Variants in PRPH observed in about 807,000 individuals in gnomAD.
PRPH encodes the protein neurofilament 4 (57kD).
In PRPH, 48 loss-of-function variants were observed where a neutral mutation model predicts 52.6. That is an observed-to-expected ratio of 0.91 (90% CI 0.72 to 1.16). PRPH has a LOEUF of 1.16. Ranked by LOEUF, PRPH falls within the 50% of genes most tolerant of loss-of-function variation. The pLI is 0.00. For synonymous variants in PRPH, 279 were observed against 283.8 expected (o/e 0.98, Z 0.17); for missense variants, 579 against 635.7 (o/e 0.91, Z 0.96).
In PRPH at chr12:49,298,269, T is replaced by C; in HGVS notation, c.1348-19T>C. The C allele has an allele frequency of 6.2e-7, 1 of 1,613,932 alleles. No homozygotes were observed. The highest frequency in any genetic ancestry group is 8.5e-7 in the Non-Finnish European group (1 of 1,179,928). On this transcript the variant is annotated intron_variant, in intron 8 of 8. Transcript: ENST00000257860. ...GGCGCTGAATGGCTTGTGCCCATCA[T>C]ATGCCCTGTCCCCAGCAGGTGGTGA...
At position 49,298,293 on chromosome 12, in the gene PRPH, G is replaced by A. The variant is rs371692304; in HGVS notation, c.1353G>A (p.Val451=). ...ATATGCCCTGTCCCCAGCAGGTGGT[G>A]ACAGAGTCCCAGAAGGAGCAGCGCA... The part of the protein sequence containing the change: ...KTIETRNGEV[V]TESQKEQRSE... Residue 451 remains valine, a synonymous_variant, in exon 9 of 9, where the codon GTG becomes GTA. Transcript: ENST00000257860. 3.7e-6 allele frequency: 6 copies of A among 1,614,046 alleles called. No individual in the cohort carries two copies. The highest frequency in any genetic ancestry group is 2.7e-5 in the African/African-American group (2 of 74,930).
At chr12:49,295,847 C>T (rs1943171084) in intron 1 of PRPH, 102 bp downstream of exon 1, 2 of 1,439,084 alleles carry the variant, frequency 1.4e-6, no homozygotes, top group African/African-American at 2.9e-5. Context: ...ATCAGCAGCC[C>T]AAGGGTGTGG....
chr12:49,297,250 G>A lies in PRPH; in HGVS notation c.973G>A (p.Glu325Lys), dbSNP rs1425592059. Residue 325 changes from glutamate (E) to lysine (K), a missense_variant, in exon 5 of 9, where the codon GAG becomes AAG. Physicochemically the swap from Glu to Lys is moderately conservative, Grantham distance 56. Transcript: ENST00000257860. This position sits in a 1 kb window ranked among gnomAD's most constrained non-coding sequence, Gnocchi z 4.4. ...ACGCCAGATCCAGAGTCTAACGTGCGAGGTGGACGGGCTGCGCGGCACGGT... is the reference window on the plus strand; with the variant it reads ...ACGCCAGATCCAGAGTCTAACGTGCAAGGTGGACGGGCTGCGCGGCACGGT... ...SRRQIQSLTC[E>K]VDGLRGTNEA... The A allele has an allele frequency of 3.1e-6, 5 of 1,613,916 alleles. No individual in the cohort carries two copies. Among genetic ancestry groups the A allele is most frequent in the African/African-American group, 1.3e-5 (1 of 74,916 alleles).
Position 49,296,630 on chromosome 12 carries a change from T to C in PRPH, c.702+103T>C. On this transcript the variant is annotated intron_variant, in intron 3 of 8. Coordinates refer to ENST00000257860, the MANE Select transcript of PRPH (RefSeq NM_006262.4). This position sits in a 1 kb window ranked among gnomAD's most constrained non-coding sequence, Gnocchi z 5.1. ...ATCGCCCTGGGGATCAGGACGATGC[T>C]GGGTAGACGCAGCCCCTCCACCCTA... The C allele has an allele frequency of 8.4e-7, 1 of 1,194,968 alleles. No homozygotes were observed. Among genetic ancestry groups the C allele is most frequent in the Non-Finnish European group, 1.2e-6 (1 of 823,604 alleles). 74.0% of individuals were successfully genotyped at this position (1,194,968 alleles called of 1,614,324 possible).
In PRPH at chr12:49,295,173, G is replaced by T; in HGVS notation, c.-28G>T. On this transcript the variant is annotated 5_prime_UTR_variant, in exon 1 of 9. Transcript: ENST00000257860. ...TTCCCAGCCCCCGGCCTAGCTCTGCGAACGGTGACTGCCCATCCTTGGCCG... is the reference window on the plus strand; with the variant it reads ...TTCCCAGCCCCCGGCCTAGCTCTGCTAACGGTGACTGCCCATCCTTGGCCG... 1.9e-6 allele frequency: 3 copies of T among 1,605,954 alleles called. No individual in the cohort carries two copies. The highest frequency in any genetic ancestry group is 4.5e-5 in the East Asian group (2 of 44,202).
At chr12:49,298,123 G>T in intron 8 of PRPH, 86 bp downstream of exon 8, 1 of 1,522,746 alleles carries the variant, frequency 6.6e-7, no homozygotes, top group Non-Finnish European at 9.0e-7. Context: ...TCTTACTTAG[G>T]GTGGGTAATT....
intron 1 of PRPH, 28 bp downstream of exon 1, chr12:49,295,773 G>A: frequency 1.4e-6 from 2 of 1,453,462 alleles, no homozygotes. Context: ...GGCCGCTGCC[G>A]TCGAGGCGAG....
chr12:49,296,486 C>G lies in PRPH; in HGVS notation c.661C>G (p.Leu221Val). The G allele has an allele frequency of 6.2e-7, 1 of 1,614,204 alleles. No individual in the cohort carries two copies. The highest frequency in any genetic ancestry group is 8.5e-7 in the Non-Finnish European group (1 of 1,180,038). Reference protein sequence around the residue: ...RLELERKIESLMDEIEFLKKL... With the variant: ...RLELERKIESVMDEIEFLKKL... Reference sequence around the variant, plus strand: ...GGAACTAGAGCGCAAGATTGAGTCTCTGATGGATGAGATTGAGTTCCTCAA... The same window carrying G: ...GGAACTAGAGCGCAAGATTGAGTCTGTGATGGATGAGATTGAGTTCCTCAA... The change falls in exon 3 of 9, where the codon CTG (leucine) becomes GTG (valine). Residue 221 changes from leucine to valine, a missense_variant. Leu to Val is a conservative substitution (Grantham distance 32, BLOSUM62 1). Transcript: ENST00000257860. The surrounding 1 kb of genome is among the most constrained non-coding windows in gnomAD (Gnocchi z 5.1).
In PRPH at chr12:49,298,353, A is replaced by C; in HGVS notation, c.1413A>C (p.Ter471CysextTer11). 6.2e-7 allele frequency: 1 copy of C among 1,614,146 alleles called. No individual in the cohort carries two copies. Among genetic ancestry groups the C allele is most frequent in the Non-Finnish European group, 8.5e-7 (1 of 1,180,012 alleles). ...ELDKSSAHSY[*>C] The stretch of plus-strand genomic sequence containing the variant: ...ACAAGTCTTCTGCCCACAGTTACTG[A>C]ACCCCTTGGTCCGGAGCCTTGACTC... The change falls in exon 9 of 9, where the codon TGA becomes TGC. Residue 471 changes from the stop codon to cysteine (C), a stop_lost. Coordinates refer to ENST00000257860, the MANE Select transcript of PRPH (RefSeq NM_006262.4).
At chr12:49,295,999 C>T in intron 1 of PRPH, 179 bp from the exon 2 acceptor site, 2 of 1,361,786 alleles carry the variant, frequency 1.5e-6, no homozygotes, top group South Asian at 2.7e-5. Context: ...AGGAAACCCC[C>T]TTTTCAGCTC....
At position 49,297,398 on chromosome 12, in the gene PRPH, G is replaced by C. The variant is rs754725165; in HGVS notation, c.1038G>C (p.Gln346His). The stretch of plus-strand genomic sequence containing the variant: ...GGCAGTTGAGAGAGCTGGAGGAGCA[G>C]TTCGCCCTGGAGGCGGGGGGCTACC... ...LLRQLRELEEQFALEAGGYQA... is the reference protein window; with the variant it reads ...LLRQLRELEEHFALEAGGYQA... Residue 346 changes from glutamine to histidine, a missense_variant, in exon 6 of 9, where the codon CAG (glutamine) becomes CAC (histidine). Physicochemically the swap from Gln to His is conservative, Grantham distance 24. Transcript: ENST00000257860. The surrounding 1 kb of genome is among the most constrained non-coding windows in gnomAD (Gnocchi z 4.4). 2 of 1,613,590 alleles carry C rather than the reference G, an allele frequency of 1.2e-6. No homozygotes were observed. The highest frequency in any genetic ancestry group is 8.5e-7 in the Non-Finnish European group (1 of 1,179,910).
In PRPH at chr12:49,297,183, C is replaced by T. The variant is rs1324487231; in HGVS notation, c.906C>T (p.His302=). The T allele has an allele frequency of 1.9e-6, 3 of 1,614,050 alleles. No homozygotes were observed. The highest frequency in any genetic ancestry group is 4.5e-5 in the East Asian group (2 of 44,866). ...TGTCCGACGCTGCCAACCGGAACCA[C>T]GAGGCCCTGCGCCAGGCCAAGCAGG... ...ADLSDAANRN[H]EALRQAKQEM... is the part of the protein sequence containing the mutation. Residue 302 remains histidine, a synonymous_variant, in exon 5 of 9, where the codon CAC becomes CAT. Transcript: ENST00000257860. The surrounding 1 kb of genome is among the most constrained non-coding windows in gnomAD (Gnocchi z 4.4).
rs1392359328 is a variant in PRPH at position 49,296,772 on chromosome 12, C to T, written c.703-117C>T. 1 of 1,469,108 alleles carries T rather than the reference C, an allele frequency of 6.8e-7. No individual in the cohort carries two copies. 91.0% of individuals were successfully genotyped at this position (1,469,108 alleles called of 1,614,324 possible). Reference sequence around the variant, plus strand: ...CGGGGGCGCAGGGCTGTACGCCCTGCCCTCCCTGGCGCCCACTTCTGTTCG... The same window carrying T: ...CGGGGGCGCAGGGCTGTACGCCCTGTCCTCCCTGGCGCCCACTTCTGTTCG... On this transcript the variant is annotated intron_variant, in intron 3 of 8. Transcript: ENST00000257860. The surrounding 1 kb of genome is among the most constrained non-coding windows in gnomAD (Gnocchi z 5.1).
rs753580540 is a variant in PRPH, at chr12:49,297,324, C to T, written c.997-33C>T. On this transcript the variant is annotated intron_variant, in intron 5 of 8. Coordinates refer to ENST00000257860, the MANE Select transcript of PRPH (RefSeq NM_006262.4). This position sits in a 1 kb window ranked among gnomAD's most constrained non-coding sequence, Gnocchi z 4.4. ...CCCGGGGAGCGGACGATGAAATGTT[C>T]TGCAACTGGCCCCTTCCACTCTCCT... The T allele has an allele frequency of 1.9e-6, 3 of 1,613,632 alleles. No homozygotes were observed. Among genetic ancestry groups the T allele is most frequent in the South Asian group, 2.2e-5 (2 of 91,080 alleles).
chr12:49,298,023 A>C lies in PRPH; in HGVS notation c.1333A>C (p.Thr445Pro), dbSNP rs1238078859. ...RKTVLIKTIETRNGEVVTESQ... is the reference protein window; with the variant it reads ...RKTVLIKTIEPRNGEVVTESQ... ...GACGGTTCTGATCAAGACCATTGAG[A>C]CCCGGAATGGGGAGGTGAGGCAGGT... The change falls in exon 8 of 9, where the codon ACC becomes CCC. Residue 445 changes from threonine (T) to proline (P), a missense_variant. Coordinates refer to ENST00000257860, the MANE Select transcript of PRPH (RefSeq NM_006262.4). 6.2e-7 allele frequency: 1 copy of C among 1,613,970 alleles called. No homozygotes were observed. Among genetic ancestry groups the C allele is most frequent in the East Asian group, 2.2e-5 (1 of 44,890 alleles).
At position 49,296,425 on chromosome 12, in the gene PRPH, C is replaced by G; in HGVS notation, c.607-7C>G. On this transcript the variant is annotated splice_region_variant and splice_polypyrimidine_tract_variant and intron_variant, in intron 2 of 8. Transcript: ENST00000257860. This position sits in a 1 kb window ranked among gnomAD's most constrained non-coding sequence, Gnocchi z 5.1. The stretch of plus-strand genomic sequence containing the variant: ...TTATCTTGAACCTCCACTGCCACCC[C>G]TCGAAGGACGTGGACGATGCCACTC... The G allele has an allele frequency of 6.2e-7, 1 of 1,614,028 alleles. No individual in the cohort carries two copies. The highest frequency in any genetic ancestry group is 8.5e-7 in the Non-Finnish European group (1 of 1,179,892).
Position 49,295,536 on chromosome 12 carries a change from C to A in PRPH, c.336C>A (p.Ile112=), listed in dbSNP as rs754630788. ...QELNDRFANF[I]EKVRFLEQQN... ...TCAACGACCGCTTCGCCAACTTCAT[C>A]GAGAAGGTACGCTTTCTGGAGCAGC... The change falls in exon 1 of 9, where the codon ATC becomes ATA. Residue 112 remains isoleucine, a synonymous_variant. Transcript: ENST00000257860. The A allele has an allele frequency of 8.2e-6, 13 of 1,591,744 alleles. No homozygotes were observed. Among genetic ancestry groups the A allele is most frequent in the Non-Finnish European group, 9.4e-6 (11 of 1,169,408 alleles).
In PRPH at chr12:49,296,667, G is replaced by C; in HGVS notation, c.702+140G>C. 1 of 1,100,468 alleles carries C rather than the reference G, an allele frequency of 9.1e-7. No individual in the cohort carries two copies. Among genetic ancestry groups the C allele is most frequent in the South Asian group, 1.4e-5 (1 of 74,042 alleles). 68.2% of individuals were successfully genotyped at this position (1,100,468 alleles called of 1,614,324 possible). On this transcript the variant is annotated intron_variant, in intron 3 of 8. Transcript: ENST00000257860. The surrounding 1 kb of genome is among the most constrained non-coding windows in gnomAD (Gnocchi z 5.1). ...GCCCCTCCACCCTAGTCTACAGGTG[G>C]TTAGACTCCCACCCTTGCGCCACCT...
At chr12:49,295,904 G>C in intron 1 of PRPH, 159 bp downstream of exon 1, 1 of 1,441,488 alleles carries the variant, frequency 6.9e-7, no homozygotes, top group East Asian at 2.5e-5. Flanking sequence ...CCTGCCCACG[G>C]GCTCCAAGTG....
Sources: allele counts gnomAD v4.1 joint callset, GRCh38; gene constraint gnomAD v4.1.1; non-coding constraint Gnocchi (gnomAD v3.1); transcripts MANE v1.5; gene names NCBI Gene and HGNC (gene_info 2026-07-23, HGNC 2026-07-21).